The following PPP6R3 variants were observed in gnomAD, a reference collection of about 807,000 sequenced individuals.
The protein encoded by PPP6R3 is protein phosphatase 6 regulatory subunit 3.
PPP6R3 carries 38 observed loss-of-function variants against 110.7 expected under a neutral mutation model. The observed-to-expected ratio is 0.34, with a 90% CI of 0.26 to 0.45. The LOEUF is 0.45. PPP6R3 is among the 20% of genes least tolerant of loss of function. The pLI, the probability that PPP6R3 is intolerant of heterozygous loss-of-function variation, is 1.00. For missense variants in PPP6R3, 870 were observed against 1,062.4 expected, an observed-to-expected ratio of 0.82 and a Z score of 2.52; for synonymous variants, 369 against 373.5, an observed-to-expected ratio of 0.99 and a Z score of 0.14.
At chr11:68,529,533 T>A (rs1265436130) in intron 2 of PPP6R3, among the ~76,000 whole-genome samples, 4 of 152,232 alleles carry the variant, frequency 2.6e-5, no homozygotes, top group African/African-American at 9.6e-5. Context: ...CATCTGTTTT[T>A]AAATTTGGCT....
intron 9 of PPP6R3, among the ~76,000 whole-genome samples, chr11:68,564,830 GAGT>G (rs1459791556): frequency 6.6e-6 from 1 of 152,224 alleles, no homozygotes; most frequent in Non-Finnish European, 1.5e-5. Flanking sequence ...ATTTAAGAAA[GAGT>G]AGGTTGAAGT....
chr11:68,548,716 T>A lies in PPP6R3; in HGVS notation c.552+512T>A, dbSNP rs147693768. Among the ~76,000 whole-genome samples, 372 of 152,282 alleles carry A rather than the reference T, an allele frequency of 2.4e-3. 1 individual carries two copies. The highest frequency in any genetic ancestry group is 4.4e-3 in the Non-Finnish European group (296 of 68,018). Reference sequence around the variant, plus strand: ...AGGATAAGGAGAACAGAGTTTACTTTGAGAAGGACATATTTTAAAATGTAG... The same window carrying A: ...AGGATAAGGAGAACAGAGTTTACTTAGAGAAGGACATATTTTAAAATGTAG... On this transcript the variant is annotated intron_variant, in intron 5 of 23. Coordinates refer to ENST00000393800, the MANE Select transcript of PPP6R3 (RefSeq NM_001164161.2).
At chr11:68,517,384 A>G (rs1040242763) in intron 1 of PPP6R3, among the ~76,000 whole-genome samples, 1 of 152,200 alleles carries the variant, frequency 6.6e-6, no homozygotes, top group African/African-American at 2.4e-5. Context: ...AAAAGGACAG[A>G]GGAAGTGACA....
At chr11:68,592,846 A>G (rs2099599751) in intron 18 of PPP6R3, among the ~76,000 whole-genome samples, 1 of 152,226 alleles carries the variant, frequency 6.6e-6, no homozygotes, top group South Asian at 2.1e-4. Flanking sequence ...TCACTAAATG[A>G]TGCTTGCCCA....
At chr11:68,600,976 G>A (rs1195860052) in intron 20 of PPP6R3, among the ~76,000 whole-genome samples, 1 of 152,130 alleles carries the variant, frequency 6.6e-6, no homozygotes, top group African/African-American at 2.4e-5. Context: ...GTCAATTAAG[G>A]GCTCCCAATC....
chr11:68,587,601 A>G (rs1308889135), intron 15 of PPP6R3: 2 of 378,932 alleles, frequency 5.3e-6, no homozygotes, highest in Non-Finnish European at 1.0e-5. Flanking sequence ...TTATAATTTC[A>G]GACTGTTCCA....
intron 1 of PPP6R3, among the ~76,000 whole-genome samples, chr11:68,470,546 A>G (rs926761509): frequency 2.0e-5 from 3 of 152,036 alleles, no homozygotes; most frequent in Non-Finnish European, 4.4e-5. Flanking sequence ...TGAGATGGGT[A>G]AGTCATTTGG....
At position 68,591,700 on chromosome 11, in the gene PPP6R3, G is replaced by C; in HGVS notation, c.1910G>C (p.Arg637Pro). 6.2e-7 allele frequency: 1 copy of C among 1,608,484 alleles called. No homozygotes were observed. Among genetic ancestry groups the C allele is most frequent in the Non-Finnish European group, 8.5e-7 (1 of 1,178,216 alleles). ...GCATTCACACCAGAATCCCAAAGAC[G>C]ATCCAGGTGAAAGATAGTTGGTTAT... ...HIAFTPESQR[R>P]SSSGSTDSEE... Residue 637 changes from arginine (R) to proline (P), a missense_variant, in exon 18 of 24, where the codon CGA becomes CCA. Arg to Pro is a moderately radical substitution (Grantham distance 103). Coordinates refer to ENST00000393800, the MANE Select transcript of PPP6R3 (RefSeq NM_001164161.2).
At chr11:68,564,077 T>C (rs1161434358) in intron 8 of PPP6R3, among the ~76,000 whole-genome samples, 3 of 152,196 alleles carry the variant, frequency 2.0e-5, no homozygotes, top group African/African-American at 7.2e-5. Flanking sequence ...AGAAATCACA[T>C]GTAATTTCTT....
chr11:68,513,628 C>A (rs2099121605), intron 1 of PPP6R3, among the ~76,000 whole-genome samples: 1 of 152,230 alleles, frequency 6.6e-6, no homozygotes, highest in Non-Finnish European at 1.5e-5. Context: ...TACAAGAAAT[C>A]TCTTCTGCCA....
chr11:68,509,099 A>G (rs1017388000), intron 1 of PPP6R3, among the ~76,000 whole-genome samples: 3 of 152,210 alleles, frequency 2.0e-5, no homozygotes, highest in Non-Finnish European at 4.4e-5. Context: ...GTTTCAGAGT[A>G]GTCTTACTCT....
chr11:68,466,955 C>T (rs1049213523), intron 1 of PPP6R3, among the ~76,000 whole-genome samples: 16 of 146,006 alleles, frequency 1.1e-4, no homozygotes, highest in African/African-American at 4.1e-4. Context: ...ACCGTGTTAG[C>T]CAGGATGGTC....
intron 1 of PPP6R3, among the ~76,000 whole-genome samples, chr11:68,490,682 A>G (rs1015914320): frequency 1.4e-5 from 2 of 142,716 alleles, no homozygotes; most frequent in Admixed American, 7.1e-5. Flanking sequence ...GGAAGTTTCT[A>G]TTGTCATATC....
chr11:68,548,282 A>G (rs547036309), intron 5 of PPP6R3, 78 bp downstream of exon 5: 1 of 1,558,860 alleles, frequency 6.4e-7, no homozygotes, highest in Non-Finnish European at 8.7e-7. Context: ...GTGTGCTGGG[A>G]AGGAATGCAT....
chr11:68,611,516 A>G (rs1259547125), intron 23 of PPP6R3, among the ~76,000 whole-genome samples: 3 of 152,220 alleles, frequency 2.0e-5, no homozygotes, highest in Non-Finnish European at 4.4e-5. Flanking sequence ...AGATGGGGTC[A>G]GCCAGTGGAA....
At chr11:68,472,502 A>G (rs1784236) in intron 1 of PPP6R3, among the ~76,000 whole-genome samples, 1 of 152,132 alleles carries the variant, frequency 6.6e-6, no homozygotes, top group Non-Finnish European at 1.5e-5. Context: ...ATTGTTTTCC[A>G]AAATGATTGT....
At chr11:68,593,473 T>C (rs558525905) in intron 18 of PPP6R3, among the ~76,000 whole-genome samples, 83 of 152,326 alleles carry the variant, frequency 5.4e-4, no homozygotes, top group African/African-American at 2.0e-3. Flanking sequence ...GTTTGAGGCC[T>C]ATAATGTCAC....
intron 15 of PPP6R3, 108 bp downstream of exon 15, chr11:68,583,237 G>A: frequency 2.3e-6 from 2 of 853,084 alleles, no homozygotes; most frequent in Non-Finnish European, 1.8e-6. Flanking sequence ...ATGTGATTTG[G>A]GGTTACTTAT....
chr11:68,496,887 AGTCTTGCTCTGTTGCCCAGGCT>A (rs2099019784), intron 1 of PPP6R3, among the ~76,000 whole-genome samples: 1 of 98,828 alleles, frequency 1.0e-5, no homozygotes, highest in Non-Finnish European at 1.8e-5. Context: ...TTTGAGACAG[AGTCTTGCTCTGTTGCCCAGGCT>A]GGAGTGCAGT....
Sources: gnomAD v4.1 joint callset for allele counts (sites outside exome capture counted in the v4.1 genomes callset) on GRCh38, gnomAD v4.1.1 for gene constraint, MANE v1.5 for transcripts, NCBI Gene and HGNC (gene_info 2026-07-23, HGNC 2026-07-21) for gene names.